The following THTPA variants were observed in gnomAD, a reference collection of about 807,000 sequenced individuals.
The protein encoded by THTPA is thiamine triphosphatase.
In THTPA, 16 loss-of-function variants were observed where a neutral mutation model predicts 16.5. That is an observed-to-expected ratio of 0.97 (90% CI 0.66 to 1.47). The LOEUF (loss-of-function observed/expected upper bound fraction) is 1.47. Ranked by LOEUF, THTPA falls within the 40% of genes most tolerant of loss-of-function variation. The pLI, the probability that THTPA is intolerant of heterozygous loss-of-function variation, is 0.00. For synonymous variants in THTPA, 110 were observed against 115.5 expected (o/e 0.95, Z 0.30); for missense variants, 281 against 280.9 (o/e 1.00, Z 0.00).
At chr14:23,520,212 C>G in the THTPA span, among the ~76,000 whole-genome samples, 1 of 152,146 alleles carries the variant, frequency 6.6e-6, no homozygotes, top group Non-Finnish European at 1.5e-5. The surrounding 1 kb of genome is among the most constrained non-coding windows in gnomAD (Gnocchi z 8.7). Flanking sequence ...CGTGTCAGCT[C>G]TAGAACCCCA....
chr14:23,533,379 G>GC, the THTPA span: 1 of 1,458,126 alleles, frequency 6.9e-7, no homozygotes, highest in Non-Finnish European at 9.0e-7. This position sits in a 1 kb window ranked among gnomAD's most constrained non-coding sequence, Gnocchi z 4.8. Flanking sequence ...TCAGCCCCGG[G>GC]CCAGCCAAGG....
At chr14:23,532,595 G>A in the THTPA span, 3 of 1,446,452 alleles carry the variant, frequency 2.1e-6, no homozygotes, top group Admixed American at 8.0e-5. Flanking sequence ...TTCTTCGTGG[G>A]CTGCACCCCT....
chr14:23,554,478 G>A (rs1050731946), upstream of THTPA, among the ~76,000 whole-genome samples: 17 of 151,974 alleles, frequency 1.1e-4, no homozygotes, highest in Non-Finnish European at 2.2e-4. Flanking sequence ...CTGGGCTCAA[G>A]CTATCCCGCT....
the THTPA span, chr14:23,524,090 T>A: frequency 6.5e-7 from 1 of 1,530,866 alleles, no homozygotes; most frequent in Non-Finnish European, 8.7e-7. The surrounding 1 kb of genome is among the most constrained non-coding windows in gnomAD (Gnocchi z 5.6). Flanking sequence ...AGTGCCATCA[T>A]CTACCTTGCC....
At chr14:23,530,454 C>T in the THTPA span, 3 of 650,614 alleles carry the variant, frequency 4.6e-6, no homozygotes, top group South Asian at 3.0e-5. Context: ...AGAAGTCCAG[C>T]AGTAGACAGC....
chr14:23,522,587 TG>T, the THTPA span: 1 of 1,528,182 alleles, frequency 6.5e-7, no homozygotes, highest in East Asian at 2.5e-5. Context: ...CCCCTGTAGC[TG>T]GGGGCCAAAG....
At chr14:23,533,466 T>G in the THTPA span, 1 of 1,534,548 alleles carries the variant, frequency 6.5e-7, no homozygotes, top group East Asian at 2.4e-5. This position sits in a 1 kb window ranked among gnomAD's most constrained non-coding sequence, Gnocchi z 4.8. Context: ...TAGCCCCTGG[T>G]GGGGGAGGAG....
the THTPA span, chr14:23,523,862 G>T: frequency 4.6e-6 from 7 of 1,536,098 alleles, no homozygotes; most frequent in Non-Finnish European, 6.1e-6. The surrounding 1 kb of genome is among the most constrained non-coding windows in gnomAD (Gnocchi z 4.1). Flanking sequence ...CAGATCTCCT[G>T]CAGAGAGACT....
chr14:23,534,367 T>G, the THTPA span: 1 of 1,536,798 alleles, frequency 6.5e-7, no homozygotes, highest in Non-Finnish European at 8.7e-7. This position sits in a 1 kb window ranked among gnomAD's most constrained non-coding sequence, Gnocchi z 4.5. Flanking sequence ...ATCCTCTGTC[T>G]GGGCCACATT....
At chr14:23,555,510 G>A (rs1357694478), upstream of THTPA, among the ~76,000 whole-genome samples, 1 of 152,098 alleles carries the variant, frequency 6.6e-6, no homozygotes, top group African/African-American at 2.4e-5. Context: ...GTCTCCAACT[G>A]TTGAAATACC....
Position 23,559,842 on chromosome 14 carries a change from C to G in THTPA, c.*1002C>G. On this transcript the variant is annotated 3_prime_UTR_variant, in exon 2 of 2. Transcript: ENST00000288014. ...CGTAGGTGAGGCGCAGCTTTAGCCG[C>G]AGGGGGGCCTAGGAATAGGAGAGCA... is the stretch of plus-strand genomic sequence containing the variant. 1 of 1,614,092 alleles carries G rather than the reference C, an allele frequency of 6.2e-7. No individual in the cohort carries two copies. Among genetic ancestry groups the G allele is most frequent in the East Asian group, 2.2e-5 (1 of 44,882 alleles).
the THTPA span, chr14:23,535,267 G>A: frequency 6.7e-7 from 1 of 1,499,888 alleles, no homozygotes; most frequent in South Asian, 1.3e-5. The surrounding 1 kb of genome is among the most constrained non-coding windows in gnomAD (Gnocchi z 4.5). Context: ...CAGGGACGGG[G>A]CATTGTGCCC....
chr14:23,527,895 C>T, the THTPA span: 3 of 1,121,558 alleles, frequency 2.7e-6, no homozygotes, highest in South Asian at 4.9e-5. Context: ...TGGCCCGCCC[C>T]CACTCCTTTT....
chr14:23,537,354 G>C, the THTPA span, among the ~76,000 whole-genome samples: 2 of 151,980 alleles, frequency 1.3e-5, no homozygotes, highest in African/African-American at 4.8e-5. Context: ...CGTATTAGCA[G>C]ATCTCTAGTG....
In THTPA at chr14:23,557,161, CTGA is replaced by C. The variant is rs777645865; in HGVS notation, c.408_410del (p.Asp136del). The C allele has an allele frequency of 6.2e-6, 10 of 1,614,018 alleles. No homozygotes were observed. Among genetic ancestry groups the C allele is most frequent in the Non-Finnish European group, 8.5e-6 (10 of 1,180,040 alleles). On this transcript the variant is annotated inframe_deletion, in exon 1 of 2. Transcript: ENST00000288014. ...GCCTGGAAGCTGGTGCTCTTGGGAG[CTGA>C]TGAAGAGGAGCCACAGCTCAGGGTG...
chr14:23,553,354 C>G (rs985918054), upstream of THTPA, among the ~76,000 whole-genome samples: 1 of 151,986 alleles, frequency 6.6e-6, no homozygotes, highest in East Asian at 1.9e-4. Context: ...AATCCCAGCA[C>G]TTTGGGAGGC....
chr14:23,536,921 T>C, the THTPA span, among the ~76,000 whole-genome samples: 1 of 152,260 alleles, frequency 6.6e-6, no homozygotes. Context: ...GCAGATCACC[T>C]GAGGTCAGGA....
the THTPA span, chr14:23,532,734 C>T: frequency 6.5e-7 from 1 of 1,535,798 alleles, no homozygotes. Context: ...GTGCCCATGG[C>T]TCCACCCCCC....
At chr14:23,532,340 A>G in the THTPA span, 1 of 499,410 alleles carries the variant, frequency 2.0e-6, no homozygotes, top group Non-Finnish European at 3.3e-6. Context: ...CAAACACCAG[A>G]AGAGCTGAAT....
Sources: gnomAD v4.1 joint callset for allele counts (sites outside exome capture counted in the v4.1 genomes callset) on GRCh38, gnomAD v4.1.1 for gene constraint, Gnocchi (gnomAD v3.1) non-coding constraint, MANE v1.5 for transcripts, NCBI Gene and HGNC (gene_info 2026-07-23, HGNC 2026-07-21) for gene names.